The following CYBA variants were observed in gnomAD, a reference collection of about 807,000 sequenced individuals.
CYBA encodes cytochrome b-245 alpha chain, also known as cytochrome b-245 light chain.
In CYBA, 21 loss-of-function variants were observed where a neutral mutation model predicts 20.8. The observed-to-expected ratio is 1.01, with a 90% CI of 0.72 to 1.46. The LOEUF (loss-of-function observed/expected upper bound fraction) is 1.46, where lower values mean the gene tolerates loss of function less well. Among genes scored for constraint, CYBA ranks in the 40% most tolerant of loss-of-function variants. CYBA has a pLI of 0.00. For synonymous variants in CYBA, 164 were observed against 127.5 expected, an observed-to-expected ratio of 1.29 and a Z score of -1.93; for missense variants, 344 against 287.0, an observed-to-expected ratio of 1.20 and a Z score of -1.43.
At chr16:88,647,802 T>C (rs1907343403) in intron 2 of CYBA, 1 of 593,162 alleles carries the variant, frequency 1.7e-6, no homozygotes, top group Non-Finnish European at 3.0e-6. Context: ...CCTGGCCCTC[T>C]GGTGACACCC....
intron 3 of CYBA, 48 bp downstream of exon 3, chr16:88,647,053 C>G: frequency 1.9e-6 from 3 of 1,548,506 alleles, no homozygotes; most frequent in Non-Finnish European, 2.6e-6. Context: ...TGAGCCCTGC[C>G]TGGGCCCCGC....
At chr16:88,650,628 C>T in intron 1 of CYBA, 1 of 543,166 alleles carries the variant, frequency 1.8e-6, no homozygotes, top group Non-Finnish European at 3.5e-6. Flanking sequence ...GGGCGGTGAC[C>T]CCGGAAACCA....
intron 1 of CYBA, 52 bp from the exon 2 acceptor site, chr16:88,648,166 G>C: frequency 6.5e-7 from 1 of 1,547,000 alleles, no homozygotes; most frequent in Non-Finnish European, 8.8e-7. Flanking sequence ...CGGGGGCCTG[G>C]GCCACCCCCC....
rs1907295392 is a variant in CYBA, at chr16:88,646,694, G to A, written c.287+61C>T. The A allele has an allele frequency of 1.1e-5, 16 of 1,465,344 alleles. No individual in the cohort carries two copies. In the South Asian group the frequency reaches 1.7e-4, roughly 16 times the overall value. The allele number at this position is 1,465,344 out of a possible 1,614,324, so 90.8% of individuals were successfully genotyped here. The stretch of plus-strand genomic sequence containing the variant: ...TCCAGGCAGCCCGGCCGGTGGGACA[G>A]TGGGGAGGGTCGGCTCCAAGCCCTC... On this transcript the variant is annotated intron_variant, in intron 4 of 5. Coordinates refer to ENST00000261623, the MANE Select transcript of CYBA (RefSeq NM_000101.4).
At chr16:88,648,374 G>T (rs375028199) in intron 1 of CYBA, among the ~76,000 whole-genome samples, 2 of 152,136 alleles carry the variant, frequency 1.3e-5, no homozygotes, top group African/African-American at 4.8e-5. Flanking sequence ...AGGACAGCCC[G>T]ACCTGCAGGC....
Position 88,643,348 on chromosome 16 carries a change from C to T in CYBA, c.*5G>A, listed in dbSNP as rs568465849. The T allele has an allele frequency of 1.5e-5, 23 of 1,513,632 alleles. No homozygotes were observed. The highest frequency in any genetic ancestry group is 2.1e-5 in the Admixed American group (1 of 47,206). The allele number at this position is 1,513,632 out of a possible 1,614,324, so 93.8% of individuals were successfully genotyped here. ...ACCTGGCGGGAGGGCAGGTCCGGGG[C>T]GAGGTCACACGACCTCGTCGGTCAC... On this transcript the variant is annotated 3_prime_UTR_variant, in exon 6 of 6. Transcript: ENST00000261623. This position sits in a 1 kb window ranked among gnomAD's most constrained non-coding sequence, Gnocchi z 4.3.
intron 1 of CYBA, chr16:88,650,473 C>T (rs1218267821): frequency 2.2e-6 from 1 of 462,422 alleles, no homozygotes; most frequent in East Asian, 6.8e-5. Flanking sequence ...CCAGCGCAGA[C>T]TCCAGATGAG....
At chr16:88,648,156 CG>C (rs753268783) in intron 1 of CYBA, 42 bp from the exon 2 acceptor site, 2 of 1,573,224 alleles carry the variant, frequency 1.3e-6, no homozygotes, top group Non-Finnish European at 1.7e-6. Flanking sequence ...GCTCCCGTCC[CG>C]GGGGCCTGGG....
chr16:88,650,840 C>T, intron 1 of CYBA, 116 bp downstream of exon 1: 1 of 1,184,224 alleles, frequency 8.4e-7, no homozygotes, highest in Non-Finnish European at 1.2e-6. Context: ...GACCCCGGCC[C>T]GGCCTGGCCC....
Position 88,651,035 on chromosome 16 carries a change from A to C in CYBA, c.-22T>G. On this transcript the variant is annotated 5_prime_UTR_variant, in exon 1 of 6. Transcript: ENST00000261623. ...CCATGGCGACACGAACCCGGCTGGG[A>C]CACTGCTAGGCGCGCACTGCCGCCC... The C allele has an allele frequency of 6.3e-7, 1 of 1,584,844 alleles. No homozygotes were observed. The highest frequency in any genetic ancestry group is 8.6e-7 in the Non-Finnish European group (1 of 1,169,236).
chr16:88,648,883 T>C (rs1907392457), intron 1 of CYBA, among the ~76,000 whole-genome samples: 2 of 151,028 alleles, frequency 1.3e-5, no homozygotes, highest in African/African-American at 2.4e-5. Flanking sequence ...CCTCCCAGAG[T>C]GTTGGGATTA....
At position 88,648,258 on chromosome 16, in the gene CYBA, C is replaced by T. The variant is rs115151135; in HGVS notation, c.59-144G>A. ...CAGCACAGTGACAGGGTCGGGGACA[C>T]CCCCAGGAGGCACCCCTCTGCACTG... On this transcript the variant is annotated intron_variant, in intron 1 of 5. Transcript: ENST00000261623. The T allele has an allele frequency of 7.3e-3, 5,506 of 752,372 alleles. 112 individuals are homozygous for T. Among genetic ancestry groups the T allele is most frequent in the East Asian group, 0.043 (1,588 of 37,156 alleles). 46.6% of individuals were successfully genotyped at this position (752,372 alleles called of 1,614,324 possible). A position where few individuals can be genotyped will look rare whatever the true frequency, so the allele number is the denominator to read the frequency against.
chr16:88,648,224 C>T (rs1012426944), intron 1 of CYBA, 110 bp from the exon 2 acceptor site: 2 of 980,520 alleles, frequency 2.0e-6, no homozygotes, highest in African/African-American at 3.2e-5. Flanking sequence ...TGCCCCCTAC[C>T]CATCCCCACA....
In CYBA at chr16:88,645,073, C is replaced by T. The variant is rs1032228559; in HGVS notation, c.369+1043G>A. 2.1e-4 allele frequency: 138 copies of T among 661,862 alleles called. 1 individual carries two copies. Among genetic ancestry groups the T allele is most frequent in the Non-Finnish European group, 3.4e-4 (123 of 362,018 alleles). 41.0% of individuals were successfully genotyped at this position (661,862 alleles called of 1,614,324 possible). A position where few individuals can be genotyped will look rare whatever the true frequency, so the allele number is the denominator to read the frequency against. On this transcript the variant is annotated intron_variant, in intron 5 of 5. Transcript: ENST00000261623. ...TTGTCTGCTGAGGAGCAGCTGAGCC[C>T]GGCAGGGTGAACGGTGCAGAGGCTG...
At chr16:88,650,898 TG>T in intron 1 of CYBA, 57 bp downstream of exon 1, 1 of 1,523,912 alleles carries the variant, frequency 6.6e-7, no homozygotes, top group Non-Finnish European at 8.9e-7. Flanking sequence ...AGGTCCCGGC[TG>T]GGGTCTTGGG....
chr16:88,647,220 C>A, intron 2 of CYBA, 45 bp from the exon 3 acceptor site: 1 of 1,571,610 alleles, frequency 6.4e-7, no homozygotes, highest in Non-Finnish European at 8.7e-7. Context: ...GCCTGAGGGG[C>A]CACAGGGAAC....
chr16:88,645,668 C>A lies in CYBA; in HGVS notation c.369+448G>T, dbSNP rs575593546. On this transcript the variant is annotated intron_variant, in intron 5 of 5. Coordinates refer to ENST00000261623, the MANE Select transcript of CYBA (RefSeq NM_000101.4). ...CAGGGTGCAGCAGTCATAAACCAAA[C>A]GCAGGTGTCGGCAGTTTAAGAAAAT... 38 of 574,656 alleles carry A rather than the reference C, an allele frequency of 6.6e-5. 1 individual carries two copies. In the South Asian group the frequency reaches 7.3e-4, roughly 11 times the overall value. The allele number at this position is 574,656 out of a possible 1,614,324, so 35.6% of individuals were successfully genotyped here.
At chr16:88,648,162 C>T (rs1451861007) in intron 1 of CYBA, 48 bp from the exon 2 acceptor site, 4 of 1,552,224 alleles carry the variant, frequency 2.6e-6, no homozygotes, top group Middle Eastern at 1.7e-4. Context: ...GTCCCGGGGG[C>T]CTGGGCCACC....
chr16:88,647,899 TG>T, intron 2 of CYBA, 145 bp downstream of exon 2: 1 of 776,958 alleles, frequency 1.3e-6, no homozygotes, highest in African/African-American at 1.7e-5. Flanking sequence ...TGCTGGGGCC[TG>T]GGCTGCCCAA....
Sources: allele counts gnomAD v4.1 joint callset (sites outside exome capture counted in the v4.1 genomes callset), GRCh38; gene constraint gnomAD v4.1.1; non-coding constraint Gnocchi (gnomAD v3.1); transcripts MANE v1.5; gene names NCBI Gene and HGNC (gene_info 2026-07-23, HGNC 2026-07-21).